PHF21B: variants seen among roughly 807,000 people sequenced by gnomAD.
PHF21B encodes the protein PHD finger protein 21B.
Under a neutral mutation model 62.2 loss-of-function variants are expected in PHF21B, and 22 were observed. That is an observed-to-expected ratio of 0.35 (90% CI 0.25 to 0.51). The LOEUF (loss-of-function observed/expected upper bound fraction) is 0.51. Among genes scored for constraint, PHF21B ranks in the 20% least tolerant of loss-of-function variants. The pLI is 0.97. For missense variants in PHF21B, 701 were observed against 707.9 expected (o/e 0.99, Z 0.11); for synonymous variants, 341 against 314.7 (o/e 1.08, Z -0.88).
intron 2 of PHF21B, among the ~76,000 whole-genome samples, chr22:44,992,638 C>T (rs1051052710): frequency 4.6e-5 from 7 of 152,354 alleles, no homozygotes; most frequent in South Asian, 2.1e-4. Context: ...AGCCTGAGGC[C>T]GGCTCTGGCT....
rs1282101079 is a variant in PHF21B at position 44,885,875 on chromosome 22, T to C, written c.1261A>G (p.Thr421Ala). 6.2e-7 allele frequency: 1 copy of C among 1,613,946 alleles called. No individual in the cohort carries two copies. The highest frequency in any genetic ancestry group is 1.7e-5 in the Admixed American group (1 of 60,014). The change falls in exon 11 of 13, where the codon ACC (threonine) becomes GCC (alanine). Residue 421 changes from threonine to alanine, a missense_variant. By Grantham distance (58) the Thr-to-Ala change is moderately conservative. Coordinates refer to ENST00000313237, the MANE Select transcript of PHF21B (RefSeq NM_138415.5). ...GMLAIVHSYV[T>A]HKTVKEEEKQ... ...AGGGATGCCTCACCTGTCTTGTGGG[T>C]GACATAAGAGTGCACGATGGCCAGC...
chr22:44,920,331 G>C, intron 3 of PHF21B, 67 bp downstream of exon 3: 1 of 1,347,440 alleles, frequency 7.4e-7, no homozygotes, highest in Non-Finnish European at 1.0e-6. Flanking sequence ...CAGTGCTGAG[G>C]GGTTAGGAAC....
At chr22:44,883,693 C>T (rs75939694) in intron 12 of PHF21B, among the ~76,000 whole-genome samples, 1,839 of 152,230 alleles carry the variant, frequency 0.012, 40 homozygotes, top group South Asian at 0.067. Flanking sequence ...CTGTGTGGTG[C>T]TGCACAACAC....
chr22:44,891,175 A>C (rs2070957292), intron 8 of PHF21B, 131 bp downstream of exon 8: 1 of 976,546 alleles, frequency 1.0e-6, no homozygotes, highest in Non-Finnish European at 1.5e-6. Context: ...CAGCATCCTC[A>C]CCTTCCTCTG....
At chr22:44,950,459 A>G (rs2144303) in intron 2 of PHF21B, among the ~76,000 whole-genome samples, 114,179 of 152,168 alleles carry the variant, frequency 0.75, 43,539 homozygotes, top group East Asian at 0.88. Context: ...CTCCACCAAC[A>G]GTAAAGGGAT....
intron 10 of PHF21B, 105 bp downstream of exon 10, chr22:44,887,858 T>A: frequency 8.1e-7 from 1 of 1,232,472 alleles, no homozygotes; most frequent in Non-Finnish European, 1.0e-6. Flanking sequence ...GAAAAAGCCT[T>A]CCTATACCCA....
In PHF21B at chr22:44,956,334, C is replaced by T. The variant is rs556445153; in HGVS notation, c.121-35844G>A. Among the ~76,000 whole-genome samples, 5 of 152,246 alleles carry T rather than the reference C, an allele frequency of 3.3e-5. No homozygotes were observed. The South Asian group carries it at 1.0e-3, about 32-fold the overall frequency. ...GAGGCAGAGGCCCGACCCAGGGGCCCGAGAATCAGTACTTTCTTACCCTGA... is the reference window on the plus strand; with the variant it reads ...GAGGCAGAGGCCCGACCCAGGGGCCTGAGAATCAGTACTTTCTTACCCTGA... On this transcript the variant is annotated intron_variant, in intron 2 of 12. Transcript: ENST00000313237.
rs564806301 is a variant in PHF21B, at chr22:44,978,127, G to A, written c.120+30418C>T. ...GATTTTCAGGCCTCCCAGGACACGT[G>A]TGTAATAATTTCTCTATGGGAAATA... On this transcript the variant is annotated intron_variant, in intron 2 of 12. Transcript: ENST00000313237. Among the ~76,000 whole-genome samples, 39 of 152,202 alleles carry A rather than the reference G, an allele frequency of 2.6e-4. 1 individual carries two copies. The highest frequency in any genetic ancestry group is 8.7e-4 in the African/African-American group (36 of 41,524).
intron 2 of PHF21B, among the ~76,000 whole-genome samples, chr22:44,970,329 G>A (rs1038034959): frequency 2.0e-5 from 3 of 152,212 alleles, no homozygotes; most frequent in Non-Finnish European, 4.4e-5. Context: ...GAGATTCCAG[G>A]AATTCCTAGT....
At chr22:44,998,524 G>A (rs531459927) in intron 2 of PHF21B, among the ~76,000 whole-genome samples, 10 of 152,134 alleles carry the variant, frequency 6.6e-5, no homozygotes, top group Admixed American at 3.3e-4. Flanking sequence ...TGGCCGAGGT[G>A]CTCCCCTTGG....
rs184794215 is a variant in PHF21B, at chr22:44,882,825, C to T, written c.*261G>A. The T allele has an allele frequency of 6.8e-4, 298 of 437,562 alleles. 2 individuals carry two copies. The highest frequency in any genetic ancestry group is 5.5e-3 in the African/African-American group (272 of 49,226). 27.1% of individuals were successfully genotyped at this position (437,562 alleles called of 1,614,324 possible). A position where few individuals can be genotyped will look rare whatever the true frequency, so the allele number is the denominator to read the frequency against. ...GAGGCCCAGGCAGCCCCGAGGTGGC[C>T]GGGGGGAGACTGTGTGCCCCAGCCT... On this transcript the variant is annotated 3_prime_UTR_variant, in exon 13 of 13. Transcript: ENST00000313237.
chr22:44,888,155 C>A, intron 9 of PHF21B, 34 bp from the exon 10 acceptor site: 1 of 1,475,386 alleles, frequency 6.8e-7, no homozygotes, highest in Non-Finnish European at 9.1e-7. Context: ...GACAGGTCAG[C>A]CACAGCCAGG....
chr22:44,886,205 G>A (rs896647058), intron 10 of PHF21B, among the ~76,000 whole-genome samples: 10 of 151,958 alleles, frequency 6.6e-5, no homozygotes, highest in African/African-American at 2.4e-4. Flanking sequence ...TCGAACGAAC[G>A]AATGATCACC....
At chr22:44,970,904 C>T (rs79669305) in intron 2 of PHF21B, 12,757 of 152,188 alleles carry the variant, frequency 0.084, 598 homozygotes, top group South Asian at 0.12. Flanking sequence ...GTCTGTTTTG[C>T]CTCTATTTCT....
intron 2 of PHF21B, among the ~76,000 whole-genome samples, chr22:44,946,570 A>G (rs1395971515): frequency 1.3e-5 from 2 of 152,076 alleles, no homozygotes; most frequent in African/African-American, 4.8e-5. Context: ...GTGGGTGGAC[A>G]TACGGAAGGG....
chr22:44,920,158 A>T (rs1014536063), intron 3 of PHF21B, among the ~76,000 whole-genome samples: 3 of 152,224 alleles, frequency 2.0e-5, no homozygotes, highest in African/African-American at 7.2e-5. Flanking sequence ...ATTCCATTTT[A>T]AAAAATTCTG....
chr22:44,937,139 T>C (rs548042392), intron 2 of PHF21B, among the ~76,000 whole-genome samples: 2 of 152,326 alleles, frequency 1.3e-5, no homozygotes, highest in East Asian at 3.9e-4. Flanking sequence ...CTGCTGGGAT[T>C]ACAGGCATGA....
At chr22:44,910,098 T>C (rs1405275318) in intron 5 of PHF21B, among the ~76,000 whole-genome samples, 2 of 152,038 alleles carry the variant, frequency 1.3e-5, no homozygotes, top group Non-Finnish European at 2.9e-5. Flanking sequence ...AAGGAAAAAG[T>C]GAAGGGATGC....
At chr22:44,991,673 G>A (rs998073091) in intron 2 of PHF21B, among the ~76,000 whole-genome samples, 2 of 152,194 alleles carry the variant, frequency 1.3e-5, no homozygotes, top group Non-Finnish European at 2.9e-5. Flanking sequence ...GCCCAGCTGG[G>A]GGGCTCCTGT....
Sources: gnomAD v4.1 joint callset for allele counts (sites outside exome capture counted in the v4.1 genomes callset) on GRCh38, gnomAD v4.1.1 for gene constraint, MANE v1.5 for transcripts, NCBI Gene and HGNC (gene_info 2026-07-23, HGNC 2026-07-21) for gene names.